Variants in KIRREL3 observed in about 807,000 individuals in gnomAD.
KIRREL3 encodes kirre like nephrin family adhesion molecule 3, also known as kin of IRRE-like protein 3.
A neutral mutation model predicts 89.7 loss-of-function variants in KIRREL3; 36 were observed. That is an observed-to-expected ratio of 0.40 (90% CI 0.31 to 0.53). The LOEUF (loss-of-function observed/expected upper bound fraction) is 0.53. Ranked by LOEUF, KIRREL3 falls within the 20% of genes least tolerant of loss-of-function variation. The probability of loss-of-function intolerance (pLI) is 0.49; values close to 1 mark genes in which losing one functional copy is unlikely to be tolerated. For synonymous variants in KIRREL3, 445 were observed against 441.4 expected, an observed-to-expected ratio of 1.01 and a Z score of -0.10; for missense variants, 864 against 1,056.6, an observed-to-expected ratio of 0.82 and a Z score of 2.53.
rs1294561352 is a variant in KIRREL3, at chr11:126,771,118, T to A, written c.56-208206A>T. ...TCCCAAAGTCCTGGGATTACAGGCA[T>A]GAGCCACTTCCTCTGGCCAGAACGA... On this transcript the variant is annotated intron_variant, in intron 1 of 16. Transcript: ENST00000525144. The surrounding 1 kb of genome is among the most constrained non-coding windows in gnomAD (Gnocchi z 4.4). Among the ~76,000 whole-genome samples the A allele has an allele frequency of 1.3e-5, 2 of 152,240 alleles. No individual in the cohort carries two copies. Among genetic ancestry groups the A allele is most frequent in the African/African-American group, 4.8e-5 (2 of 41,466 alleles).
rs1474292022 is a variant in KIRREL3 at position 126,537,830 on chromosome 11, A to C, written c.134-11143T>G. On this transcript the variant is annotated intron_variant, in intron 2 of 16. Coordinates refer to ENST00000525144, the MANE Select transcript of KIRREL3 (RefSeq NM_032531.4). This position sits in a 1 kb window ranked among gnomAD's most constrained non-coding sequence, Gnocchi z 4.3. ...AAGGGTCATTCTTACTTTCGTCACT[A>C]TCCACAAGTCTTTCCTGAGCTTGGG... Among the ~76,000 whole-genome samples the C allele has an allele frequency of 6.6e-6, 1 of 152,214 alleles. No homozygotes were observed. The highest frequency in any genetic ancestry group is 2.4e-5 in the African/African-American group (1 of 41,446).
At position 126,574,128 on chromosome 11, in the gene KIRREL3, C is replaced by T. The variant is rs1006484346; in HGVS notation, c.56-11216G>A. Among the ~76,000 whole-genome samples, 11 of 152,248 alleles carry T rather than the reference C, an allele frequency of 7.2e-5. No homozygotes were observed. Among genetic ancestry groups the T allele is most frequent in the African/African-American group, 2.7e-4 (11 of 41,458 alleles). ...TTAACTGAGTATTATTGGCAACTAA[C>T]ACACCTGCAGAGCTTTGCAGTTGAA... On this transcript the variant is annotated intron_variant, in intron 1 of 16. Transcript: ENST00000525144. This position sits in a 1 kb window ranked among gnomAD's most constrained non-coding sequence, Gnocchi z 5.3.
intron 7 of KIRREL3, among the ~76,000 whole-genome samples, chr11:126,450,347 GTCC>G (rs1565461704): frequency 2.6e-5 from 4 of 151,326 alleles, no homozygotes; most frequent in Non-Finnish European, 5.9e-5. Context: ...GGGCATGTGT[GTCC>G]ATGTGCATGT....
rs534464398 is a variant in KIRREL3 at position 126,431,120 on chromosome 11, C to T, written c.1696+299G>A. 7 of 1,413,246 alleles carry T rather than the reference C, an allele frequency of 5.0e-6. No homozygotes were observed. In the East Asian group the frequency reaches 1.5e-4, roughly 31 times the overall value. 87.5% of individuals were successfully genotyped at this position (1,413,246 alleles called of 1,614,324 possible). On this transcript the variant is annotated intron_variant, in intron 14 of 16. Coordinates refer to ENST00000525144, the MANE Select transcript of KIRREL3 (RefSeq NM_032531.4). The surrounding 1 kb of genome is among the most constrained non-coding windows in gnomAD (Gnocchi z 7.1). ...ATCAAACCACAAACCGCTTTTCCCC[C>T]TATCTTTCTGTACAGTTCCTGACTG...
At chr11:126,701,807 T>C (rs974691171) in intron 1 of KIRREL3, among the ~76,000 whole-genome samples, 4 of 152,160 alleles carry the variant, frequency 2.6e-5, no homozygotes, top group African/African-American at 9.7e-5. Context: ...TTCTCTGCCC[T>C]GTACCTCAGG....
chr11:126,592,166 G>T (rs767261653), intron 1 of KIRREL3, among the ~76,000 whole-genome samples: 11 of 152,140 alleles, frequency 7.2e-5, no homozygotes, highest in Non-Finnish European at 1.5e-4. Flanking sequence ...GATGCCTCAG[G>T]CCTTGTTCTA....
rs140430999 is a variant in KIRREL3, at chr11:126,443,936, C to T, written c.1252+1043G>A. 6.6e-3 allele frequency among the ~76,000 whole-genome samples: 1,005 copies of T among 152,240 alleles called. 7 individuals are homozygous for T. The highest frequency in any genetic ancestry group is 0.017 in the Admixed American group (265 of 15,294). The stretch of plus-strand genomic sequence containing the variant: ...ATGACAGAGGTGAGGGGGGAGCATT[C>T]GGAAACGGCAGAGGAATCGAACTGG... On this transcript the variant is annotated intron_variant, in intron 10 of 16. Coordinates refer to ENST00000525144, the MANE Select transcript of KIRREL3 (RefSeq NM_032531.4). This position sits in a 1 kb window ranked among gnomAD's most constrained non-coding sequence, Gnocchi z 7.3.
chr11:126,552,957 T>C (rs1379675756), intron 2 of KIRREL3, among the ~76,000 whole-genome samples: 1 of 152,172 alleles, frequency 6.6e-6, no homozygotes, highest in Non-Finnish European at 1.5e-5. Context: ...TGCATAGTTA[T>C]CTAGCATCCT....
chr11:126,442,089 G>C (rs1352561249), intron 10 of KIRREL3, among the ~76,000 whole-genome samples: 1 of 151,588 alleles, frequency 6.6e-6, no homozygotes, highest in Non-Finnish European at 1.5e-5. Context: ...TGGCCAATAT[G>C]GTGAAACCCC....
intron 1 of KIRREL3, among the ~76,000 whole-genome samples, chr11:126,680,607 C>G (rs1326212269): frequency 6.6e-6 from 1 of 151,932 alleles, no homozygotes; most frequent in Non-Finnish European, 1.5e-5. Context: ...TTTAAACATC[C>G]CATGAAGATT....
At chr11:126,992,677 T>G (rs1002572734) in intron 1 of KIRREL3, 1 of 152,244 alleles carries the variant, frequency 6.6e-6, no homozygotes, top group African/African-American at 2.4e-5. Context: ...AGCTTCCTCT[T>G]GAGAACAAGA....
rs147014150 is a variant in KIRREL3 at position 126,441,436 on chromosome 11, C to G, written c.1253-887G>C. Among the ~76,000 whole-genome samples the G allele has an allele frequency of 1.9e-3, 290 of 152,288 alleles. 4 individuals carry two copies. In the East Asian group the frequency reaches 0.045, roughly 23 times the overall value. ...CTTTCCCCTGTGACGCCTGCCTGGC[C>G]GTGAAAGACAAAAGAAGGAGCAGCT... On this transcript the variant is annotated intron_variant, in intron 10 of 16. Coordinates refer to ENST00000525144, the MANE Select transcript of KIRREL3 (RefSeq NM_032531.4). The surrounding 1 kb of genome is among the most constrained non-coding windows in gnomAD (Gnocchi z 5.0).
chr11:126,925,557 G>A (rs554119007), intron 1 of KIRREL3, among the ~76,000 whole-genome samples: 2 of 152,308 alleles, frequency 1.3e-5, no homozygotes, highest in Non-Finnish European at 2.9e-5. Context: ...GGGACTGGGA[G>A]TTTGGCCAGC....
At position 126,628,307 on chromosome 11, in the gene KIRREL3, T is replaced by C. The variant is rs1166467127; in HGVS notation, c.56-65395A>G. ...CTCTGTGAGAAGGAAAATGAGAACATTCCGGAAGGAAGCACTCTTCTTTCT... is the reference window on the plus strand; with the variant it reads ...CTCTGTGAGAAGGAAAATGAGAACACTCCGGAAGGAAGCACTCTTCTTTCT... On this transcript the variant is annotated intron_variant, in intron 1 of 16. Transcript: ENST00000525144. The surrounding 1 kb of genome is among the most constrained non-coding windows in gnomAD (Gnocchi z 5.2). 1.3e-5 allele frequency among the ~76,000 whole-genome samples: 2 copies of C among 152,178 alleles called. No individual in the cohort carries two copies. Among genetic ancestry groups the C allele is most frequent in the African/African-American group, 4.8e-5 (2 of 41,444 alleles).
At chr11:126,506,809 G>C (rs923231062) in intron 4 of KIRREL3, among the ~76,000 whole-genome samples, 1 of 150,454 alleles carries the variant, frequency 6.6e-6, no homozygotes, top group African/African-American at 2.5e-5. Context: ...ATTTTTAGTA[G>C]AGATTGGATT....
chr11:126,838,415 A>G (rs1046837250), intron 1 of KIRREL3, among the ~76,000 whole-genome samples: 2 of 152,240 alleles, frequency 1.3e-5, no homozygotes, highest in Non-Finnish European at 2.9e-5. Context: ...ATGGGGAAAA[A>G]GAAATCTCTG....
rs747663483 is a variant in KIRREL3 at position 126,995,478 on chromosome 11, G to A, written c.55+4977C>T. On this transcript the variant is annotated intron_variant, in intron 1 of 16. Transcript: ENST00000525144. This position sits in a 1 kb window ranked among gnomAD's most constrained non-coding sequence, Gnocchi z 6.5. ...ACTGTTTTTCACCTAAGGTCATCTC[G>A]ACAATTTACAAGGATAAGGATTGTA... 4.0e-5 allele frequency: 15 copies of A among 374,842 alleles called. No individual in the cohort carries two copies. The highest frequency in any genetic ancestry group is 5.8e-5 in the Non-Finnish European group (11 of 191,112). 23.2% of individuals were successfully genotyped at this position (374,842 alleles called of 1,614,324 possible).
chr11:126,710,170 T>C lies in KIRREL3; in HGVS notation c.56-147258A>G, dbSNP rs1037882276. Among the ~76,000 whole-genome samples, 2 of 152,168 alleles carry C rather than the reference T, an allele frequency of 1.3e-5. No individual in the cohort carries two copies. The highest frequency in any genetic ancestry group is 4.8e-5 in the African/African-American group (2 of 41,436). Reference sequence around the variant, plus strand: ...ATTCTGTCCTGTGTCCATCAGTAGATGGGCTGGCATCAGTGGACCCCAGAT... The same window carrying C: ...ATTCTGTCCTGTGTCCATCAGTAGACGGGCTGGCATCAGTGGACCCCAGAT... On this transcript the variant is annotated intron_variant, in intron 1 of 16. Coordinates refer to ENST00000525144, the MANE Select transcript of KIRREL3 (RefSeq NM_032531.4). The surrounding 1 kb of genome is among the most constrained non-coding windows in gnomAD (Gnocchi z 4.2).
intron 1 of KIRREL3, among the ~76,000 whole-genome samples, chr11:126,730,968 T>C (rs1404483486): frequency 6.6e-6 from 1 of 152,102 alleles, no homozygotes; most frequent in Non-Finnish European, 1.5e-5. Flanking sequence ...CTCCATCTCC[T>C]GACCTCGTGA....
Sources: allele counts gnomAD v4.1 joint callset (sites outside exome capture counted in the v4.1 genomes callset), GRCh38; gene constraint gnomAD v4.1.1; non-coding constraint Gnocchi (gnomAD v3.1); transcripts MANE v1.5; gene names NCBI Gene and HGNC (gene_info 2026-07-23, HGNC 2026-07-21).